Variants in SPECC1 observed in about 807,000 individuals in gnomAD.
The protein encoded by SPECC1 is cytospin-B.
A neutral mutation model predicts 104.1 loss-of-function variants in SPECC1; 62 were observed. That is an observed-to-expected ratio of 0.60 (90% CI 0.49 to 0.74). The LOEUF (loss-of-function observed/expected upper bound fraction) is 0.74, where lower values mean the gene tolerates loss of function less well. Ranked by LOEUF, SPECC1 falls within the 30% of genes least tolerant of loss-of-function variation. The pLI is 0.00. For synonymous variants in SPECC1, 513 were observed against 501.6 expected (o/e 1.02, Z -0.30); for missense variants, 1,306 against 1,310.5 (o/e 1.00, Z 0.05).
chr17:20,173,965 T>C (rs1057119947), intron 3 of SPECC1, among the ~76,000 whole-genome samples: 9 of 152,018 alleles, frequency 5.9e-5, no homozygotes, highest in Non-Finnish European at 2.9e-5. Flanking sequence ...GGAGTTTTGC[T>C]TTTGTTGCCC....
At chr17:20,079,156 C>T (rs924841630) in intron 1 of SPECC1, among the ~76,000 whole-genome samples, 4 of 152,134 alleles carry the variant, frequency 2.6e-5, no homozygotes, top group Admixed American at 6.5e-5. Context: ...TATTGATGGG[C>T]GCCGACCTCT....
At chr17:20,038,621 C>T (rs770385994) in intron 1 of SPECC1, among the ~76,000 whole-genome samples, 9 of 152,074 alleles carry the variant, frequency 5.9e-5, no homozygotes, top group African/African-American at 1.4e-4. Flanking sequence ...AGGCTGGTCT[C>T]GAACTCCTGA....
At chr17:20,227,925 G>T (rs1166357276) in intron 5 of SPECC1, among the ~76,000 whole-genome samples, 1 of 152,098 alleles carries the variant, frequency 6.6e-6, no homozygotes, top group African/African-American at 2.4e-5. Context: ...GTGGAATGGA[G>T]CTGAGTAGGA....
intron 4 of SPECC1, among the ~76,000 whole-genome samples, chr17:20,214,682 A>T (rs1184944750): frequency 6.6e-6 from 1 of 151,970 alleles, no homozygotes; most frequent in Non-Finnish European, 1.5e-5. Context: ...TAACTTTCCT[A>T]TTTTTAGTAG....
At chr17:20,278,063 G>A (rs1028295668) in intron 12 of SPECC1, among the ~76,000 whole-genome samples, 1 of 152,138 alleles carries the variant, frequency 6.6e-6, no homozygotes, top group Non-Finnish European at 1.5e-5. Flanking sequence ...GCAGCCAGCA[G>A]AGTTGGACCC....
At chr17:20,119,782 A>G (rs941422662) in intron 3 of SPECC1, among the ~76,000 whole-genome samples, 4 of 152,178 alleles carry the variant, frequency 2.6e-5, no homozygotes, top group African/African-American at 9.7e-5. Context: ...TGTCTATTTT[A>G]CATGCGTGAA....
At chr17:20,152,775 G>A (rs1007868092) in intron 3 of SPECC1, among the ~76,000 whole-genome samples, 2 of 152,130 alleles carry the variant, frequency 1.3e-5, no homozygotes, top group African/African-American at 4.8e-5. Context: ...GGGTTCAAGC[G>A]ATTCTCCTGC....
chr17:20,260,791 C>A (rs973011529), intron 12 of SPECC1, among the ~76,000 whole-genome samples: 2 of 152,086 alleles, frequency 1.3e-5, no homozygotes, highest in African/African-American at 4.8e-5. Flanking sequence ...GAATTGATAT[C>A]AACATAGAGA....
At chr17:20,229,533 G>A (rs1016085343) in intron 5 of SPECC1, among the ~76,000 whole-genome samples, 30 of 152,258 alleles carry the variant, frequency 2.0e-4, no homozygotes, top group Admixed American at 3.9e-4. Flanking sequence ...AACTAGCCAC[G>A]TGTGGTGGCG....
intron 3 of SPECC1, among the ~76,000 whole-genome samples, chr17:20,114,708 C>T (rs905541145): frequency 2.0e-5 from 3 of 152,058 alleles, no homozygotes; most frequent in Non-Finnish European, 4.4e-5. Flanking sequence ...ACTTTTGTCT[C>T]CTTTGGGAGA....
chr17:20,236,812 C>CT (rs2038941648), intron 7 of SPECC1: 1 of 1,612,534 alleles, frequency 6.2e-7, no homozygotes, highest in Admixed American at 1.7e-5. Flanking sequence ...ACTGTATTGC[C>CT]TTAGGTAACT....
chr17:20,047,133 G>A (rs1211366537), intron 1 of SPECC1, among the ~76,000 whole-genome samples: 7 of 152,216 alleles, frequency 4.6e-5, no homozygotes, highest in African/African-American at 1.4e-4. Context: ...TTTTTCTTAA[G>A]GATTCTTGAG....
At chr17:20,218,246 A>G (rs1018063873) in intron 4 of SPECC1, among the ~76,000 whole-genome samples, 1 of 152,178 alleles carries the variant, frequency 6.6e-6, no homozygotes, top group Non-Finnish European at 1.5e-5. Context: ...TCCAGGCACT[A>G]TGATAAACTC....
intron 2 of SPECC1, among the ~76,000 whole-genome samples, chr17:20,104,879 C>T (rs1280457406): frequency 6.6e-6 from 1 of 151,864 alleles, no homozygotes; most frequent in Non-Finnish European, 1.5e-5. Context: ...GTACTTCATG[C>T]CCTCCTTCCA....
intron 4 of SPECC1, among the ~76,000 whole-genome samples, chr17:20,211,659 G>A (rs1469891146): frequency 6.6e-6 from 1 of 152,244 alleles, no homozygotes; most frequent in African/African-American, 2.4e-5. Context: ...GACACCCCCA[G>A]GTCTCTGTTC....
chr17:20,191,095 A>G (rs574415446), intron 3 of SPECC1, among the ~76,000 whole-genome samples: 1 of 152,228 alleles, frequency 6.6e-6, no homozygotes, highest in South Asian at 2.1e-4. Flanking sequence ...ATTTCATTTT[A>G]AGGGGTGGAT....
chr17:20,186,122 G>A (rs1008400972), intron 3 of SPECC1, among the ~76,000 whole-genome samples: 1 of 152,196 alleles, frequency 6.6e-6, no homozygotes, highest in African/African-American at 2.4e-5. Flanking sequence ...GCAGGCATGA[G>A]CCACTGCACC....
At chr17:20,125,253 T>A (rs1046433719) in intron 3 of SPECC1, among the ~76,000 whole-genome samples, 5 of 152,176 alleles carry the variant, frequency 3.3e-5, no homozygotes, top group Non-Finnish European at 7.4e-5. Context: ...TTACTGGAAG[T>A]GAAAAGCAGA....
chr17:20,258,608 G>C (rs1235052839), intron 11 of SPECC1, among the ~76,000 whole-genome samples: 3 of 152,216 alleles, frequency 2.0e-5, no homozygotes, highest in Non-Finnish European at 4.4e-5. Context: ...CCACCTGCCA[G>C]AATGGCCCTG....
Sources: gnomAD v4.1 joint callset for allele counts (sites outside exome capture counted in the v4.1 genomes callset) on GRCh38, gnomAD v4.1.1 for gene constraint, MANE v1.5 for transcripts, NCBI Gene and HGNC (gene_info 2026-07-23, HGNC 2026-07-21) for gene names.